The following HOMER1 variants were observed in gnomAD, a reference collection of about 807,000 sequenced individuals.
The protein encoded by HOMER1 is homer protein homolog 1.
HOMER1 carries 3 observed loss-of-function variants against 48.9 expected under a neutral mutation model. The ratio of observed to expected loss-of-function variants is 0.06; its 90% CI spans 0.03 to 0.16. The LOEUF (loss-of-function observed/expected upper bound fraction) is 0.16, where lower values mean the gene tolerates loss of function less well. Among genes scored for constraint, HOMER1 ranks in the 10% least tolerant of loss-of-function variants. The probability of loss-of-function intolerance (pLI) is 1.00; values close to 1 mark genes in which losing one functional copy is unlikely to be tolerated. For missense variants in HOMER1, 247 were observed against 411.4 expected (o/e 0.60, Z 3.46); for synonymous variants, 134 against 146.4 (o/e 0.92, Z 0.61).
At chr5:79,483,111 A>G (rs938898730) in intron 1 of HOMER1, among the ~76,000 whole-genome samples, 1 of 152,150 alleles carries the variant, frequency 6.6e-6, no homozygotes, top group African/African-American at 2.4e-5. Context: ...AAAAAAAATT[A>G]AGAAAACTAT....
intron 5 of HOMER1, among the ~76,000 whole-genome samples, chr5:79,416,055 C>A (rs1017499933): frequency 1.3e-5 from 2 of 152,106 alleles, no homozygotes; most frequent in African/African-American, 4.8e-5. Flanking sequence ...TCCATATATG[C>A]AGTCAATAAA....
chr5:79,396,996 A>G (rs1749403551), intron 7 of HOMER1, 93 bp from the exon 8 acceptor site: 6 of 668,888 alleles, frequency 9.0e-6, no homozygotes, highest in Non-Finnish European at 1.5e-5. Context: ...TAGTTCTTAG[A>G]AAAAGATGAT....
intron 1 of HOMER1, among the ~76,000 whole-genome samples, chr5:79,463,584 A>G (rs962741042): frequency 5.3e-5 from 8 of 152,350 alleles, no homozygotes; most frequent in African/African-American, 1.9e-4. Context: ...GTCATTTAAA[A>G]AACTATGCAA....
At chr5:79,376,915 T>G (rs1165488713) in intron 8 of HOMER1, among the ~76,000 whole-genome samples, 1 of 152,194 alleles carries the variant, frequency 6.6e-6, no homozygotes, top group East Asian at 1.9e-4. Context: ...CAGAATAAAC[T>G]CTGGCACACT....
At chr5:79,462,078 A>G (rs13436569) in intron 1 of HOMER1, among the ~76,000 whole-genome samples, 40,934 of 151,920 alleles carry the variant, frequency 0.27, 5,639 homozygotes, top group South Asian at 0.39. Flanking sequence ...GCATGCCTAT[A>G]ATCCCAGCTA....
intron 1 of HOMER1, among the ~76,000 whole-genome samples, chr5:79,506,859 T>A (rs902309937): frequency 1.1e-4 from 16 of 150,868 alleles, no homozygotes; most frequent in South Asian, 2.1e-4. Flanking sequence ...CAAAAAAATA[T>A]ATATATATAT....
rs372071198 is a variant in HOMER1, at chr5:79,398,207, T to C, written c.685-570A>G. Among the ~76,000 whole-genome samples, 52 of 152,250 alleles carry C rather than the reference T, an allele frequency of 3.4e-4. 2 individuals carry two copies. The highest frequency in any genetic ancestry group is 1.2e-3 in the African/African-American group (50 of 41,560). On this transcript the variant is annotated intron_variant, in intron 6 of 8. Coordinates refer to ENST00000334082, the MANE Select transcript of HOMER1 (RefSeq NM_004272.5). ...GGGGCCCAAAGAGTAATATAACTTT[T>C]AATGAGCACTTGGTATTTTTTGAGA... is the stretch of plus-strand genomic sequence containing the variant.
At chr5:79,389,105 T>A (rs62363104) in intron 8 of HOMER1, among the ~76,000 whole-genome samples, 61 of 152,032 alleles carry the variant, frequency 4.0e-4, no homozygotes, top group Non-Finnish European at 7.8e-4. Flanking sequence ...GTCCAAAACT[T>A]ATAAGGCAAG....
intron 1 of HOMER1, among the ~76,000 whole-genome samples, chr5:79,472,220 T>C (rs1200927333): frequency 6.6e-6 from 1 of 152,230 alleles, no homozygotes; most frequent in East Asian, 1.9e-4. Context: ...CCAAAATGTT[T>C]AGAGTTCTTG....
intron 4 of HOMER1, among the ~76,000 whole-genome samples, chr5:79,441,841 T>A (rs909758494): frequency 6.6e-6 from 1 of 152,084 alleles, no homozygotes; most frequent in Non-Finnish European, 1.5e-5. Flanking sequence ...CTTCCAGAAA[T>A]TTTGCATATG....
At position 79,470,167 on chromosome 5, in the gene HOMER1, C is replaced by T. The variant is rs182907441; in HGVS notation, c.6-13149G>A. Among the ~76,000 whole-genome samples the T allele has an allele frequency of 7.2e-4, 109 of 152,222 alleles. 1 individual carries two copies. In the Middle Eastern group the frequency reaches 0.014, roughly 19 times the overall value. ...TGAGAGAGGGAATCCTATAGATAAA[C>T]GGGCATCTTAACAAGACAAGTTTAC... is the stretch of plus-strand genomic sequence containing the variant. On this transcript the variant is annotated intron_variant, in intron 1 of 8. Coordinates refer to ENST00000334082, the MANE Select transcript of HOMER1 (RefSeq NM_004272.5).
intron 1 of HOMER1, among the ~76,000 whole-genome samples, chr5:79,491,438 CAAAAAAAAAAAAA>C (rs56778843): frequency 1.7e-5 from 1 of 57,708 alleles, no homozygotes; most frequent in Non-Finnish European, 3.1e-5. Context: ...GACCTTGTCT[CAAAAAAAAAAAAA>C]AAAAAAAAAA....
At chr5:79,503,941 T>C (rs905851506) in intron 1 of HOMER1, among the ~76,000 whole-genome samples, 1 of 152,170 alleles carries the variant, frequency 6.6e-6, no homozygotes, top group Non-Finnish European at 1.5e-5. Context: ...CAAACCTGTG[T>C]TGTTCAAGGG....
At chr5:79,459,035 T>C (rs938177907) in intron 1 of HOMER1, among the ~76,000 whole-genome samples, 1 of 152,176 alleles carries the variant, frequency 6.6e-6, no homozygotes, top group African/African-American at 2.4e-5. Flanking sequence ...CATCTAATCA[T>C]ACACAACTCT....
chr5:79,487,438 C>A (rs1263151205), intron 1 of HOMER1, among the ~76,000 whole-genome samples: 1 of 152,134 alleles, frequency 6.6e-6, no homozygotes, highest in African/African-American at 2.4e-5. Context: ...GCATACCACA[C>A]CACCCATGAC....
intron 8 of HOMER1, among the ~76,000 whole-genome samples, chr5:79,379,034 C>T (rs1460119940): frequency 7.8e-6 from 1 of 128,558 alleles, no homozygotes; most frequent in African/African-American, 2.9e-5. Flanking sequence ...CAAGAGGTAA[C>T]AGAAGCCATG....
At chr5:79,470,785 A>G (rs1269933909) in intron 1 of HOMER1, among the ~76,000 whole-genome samples, 1 of 152,216 alleles carries the variant, frequency 6.6e-6, no homozygotes, top group Non-Finnish European at 1.5e-5. Context: ...ACACCTTAGC[A>G]ATGCATATCA....
At chr5:79,505,070 G>C (rs1174531803) in intron 1 of HOMER1, among the ~76,000 whole-genome samples, 2 of 152,036 alleles carry the variant, frequency 1.3e-5, no homozygotes, top group African/African-American at 4.8e-5. Context: ...TTGAGGTCAG[G>C]ACCAACATGA....
intron 1 of HOMER1, among the ~76,000 whole-genome samples, chr5:79,492,518 A>G (rs932182487): frequency 6.6e-6 from 1 of 152,068 alleles, no homozygotes; most frequent in African/African-American, 2.4e-5. Context: ...AACCCACCGT[A>G]TTAAAGAATC....
Sources: gnomAD v4.1 joint callset for allele counts (sites outside exome capture counted in the v4.1 genomes callset) on GRCh38, gnomAD v4.1.1 for gene constraint, MANE v1.5 for transcripts, NCBI Gene and HGNC (gene_info 2026-07-23, HGNC 2026-07-21) for gene names.